LCP2: variants seen among roughly 807,000 people sequenced by gnomAD.
LCP2 encodes 76 kDa tyrosine phosphoprotein.
LCP2 carries 29 observed loss-of-function variants against 74.5 expected under a neutral mutation model. The ratio of observed to expected loss-of-function variants is 0.39; its 90% CI spans 0.29 to 0.53. LCP2 has a LOEUF of 0.53. Ranked by LOEUF, LCP2 falls within the 20% of genes least tolerant of loss-of-function variation. The pLI is 0.72. For synonymous variants in LCP2, 228 were observed against 229.5 expected (o/e 0.99, Z 0.06); for missense variants, 604 against 634.6 (o/e 0.95, Z 0.52).
At chr5:170,284,189 C>T (rs967524247) in intron 3 of LCP2, among the ~76,000 whole-genome samples, 1 of 152,228 alleles carries the variant, frequency 6.6e-6, no homozygotes, top group Non-Finnish European at 1.5e-5. Context: ...TCAAGGGCCA[C>T]GTACATACAC....
At chr5:170,283,933 A>T (rs1246092869) in intron 3 of LCP2, among the ~76,000 whole-genome samples, 1 of 152,094 alleles carries the variant, frequency 6.6e-6, no homozygotes, top group Non-Finnish European at 1.5e-5. Flanking sequence ...GAGCGCTTGA[A>T]CTTGTGCATG....
At chr5:170,285,802 C>A (rs1011451898) in intron 3 of LCP2, among the ~76,000 whole-genome samples, 1 of 152,112 alleles carries the variant, frequency 6.6e-6, no homozygotes. Context: ...TAAAGAGGGG[C>A]CCCTCTGAAG....
intron 6 of LCP2, among the ~76,000 whole-genome samples, chr5:170,271,726 C>T (rs993110147): frequency 7.9e-5 from 12 of 152,026 alleles, no homozygotes; most frequent in Non-Finnish European, 1.3e-4. Flanking sequence ...CAGTGATGAG[C>T]GCTCATCATG....
chr5:170,283,009 T>A (rs1762129649), intron 3 of LCP2, among the ~76,000 whole-genome samples: 1 of 152,204 alleles, frequency 6.6e-6, no homozygotes, highest in African/African-American at 2.4e-5. Context: ...CACAACTCAT[T>A]GGAAGTAGAG....
intron 6 of LCP2, chr5:170,274,064 T>C (rs370546026): frequency 3.6e-6 from 2 of 559,834 alleles, no homozygotes; most frequent in East Asian, 6.0e-5. Flanking sequence ...GCTCATTGTC[T>C]GTGGCTGCTT....
intron 1 of LCP2, among the ~76,000 whole-genome samples, chr5:170,295,434 T>C (rs974822978): frequency 1.3e-5 from 2 of 152,130 alleles, no homozygotes; most frequent in Non-Finnish European, 2.9e-5. Context: ...ACCAACCCAT[T>C]GGGTTAGTTA....
At chr5:170,270,023 A>G (rs1761867601) in intron 7 of LCP2, among the ~76,000 whole-genome samples, 1 of 152,244 alleles carries the variant, frequency 6.6e-6, no homozygotes, top group Non-Finnish European at 1.5e-5. Context: ...TTCAATTTTC[A>G]GCGTACTCTC....
chr5:170,257,652 AG>A (rs769059750), intron 16 of LCP2, among the ~76,000 whole-genome samples: 4 of 152,164 alleles, frequency 2.6e-5, no homozygotes, highest in Non-Finnish European at 4.4e-5. Flanking sequence ...GCCAAGCACG[AG>A]GCGCATTTTC....
At chr5:170,278,549 A>G (rs1191043355) in intron 3 of LCP2, among the ~76,000 whole-genome samples, 1 of 149,958 alleles carries the variant, frequency 6.7e-6, no homozygotes, top group East Asian at 2.0e-4. Context: ...TGCGGTTGCC[A>G]TTTAAAATGA....
At chr5:170,271,014 A>G in intron 6 of LCP2, 97 bp from the exon 7 acceptor site, 1 of 1,103,770 alleles carries the variant, frequency 9.1e-7, no homozygotes, top group South Asian at 1.7e-5. Flanking sequence ...TCACAACAGT[A>G]TAACCCGGGA....
intron 7 of LCP2, chr5:170,270,480 T>C (rs908872546): frequency 2.2e-6 from 1 of 464,580 alleles, no homozygotes; most frequent in Non-Finnish European, 3.7e-6. Context: ...GTCTTAGTAG[T>C]CCTCACAGGA....
At chr5:170,263,498 A>G (rs182827766) in intron 10 of LCP2, among the ~76,000 whole-genome samples, 10 of 152,292 alleles carry the variant, frequency 6.6e-5, no homozygotes, top group Admixed American at 6.5e-4. Flanking sequence ...ACTTGGGGAG[A>G]GCATTTCAGG....
chr5:170,280,178 C>A (rs1004781386), intron 3 of LCP2, among the ~76,000 whole-genome samples: 4 of 151,970 alleles, frequency 2.6e-5, no homozygotes, highest in Admixed American at 1.3e-4. Context: ...CTGACCAAAG[C>A]CCTCCCACAG....
chr5:170,271,414 CT>C (rs775843319), intron 6 of LCP2, among the ~76,000 whole-genome samples: 29 of 152,212 alleles, frequency 1.9e-4, no homozygotes, highest in Admixed American at 4.6e-4. Context: ...TAAACAAAGC[CT>C]GTTAAGTGGA....
chr5:170,251,227 T>C (rs368725909), intron 19 of LCP2: 25 of 221,696 alleles, frequency 1.1e-4, no homozygotes, highest in African/African-American at 5.1e-4. Context: ...TAAAATACTT[T>C]ATTGGTTAAC....
chr5:170,265,018 C>T (rs369144745), intron 10 of LCP2, among the ~76,000 whole-genome samples: 2 of 132,500 alleles, frequency 1.5e-5, no homozygotes, highest in African/African-American at 6.1e-5. Context: ...GACAGAGTCT[C>T]GCTCTGTCGC....
At chr5:170,281,358 C>A (rs1762097400) in intron 3 of LCP2, among the ~76,000 whole-genome samples, 1 of 152,078 alleles carries the variant, frequency 6.6e-6, no homozygotes, top group South Asian at 2.1e-4. Context: ...TGGCTCACTG[C>A]AAGTTCTGCC....
intron 3 of LCP2, among the ~76,000 whole-genome samples, chr5:170,283,309 A>G (rs776103403): frequency 4.6e-5 from 7 of 152,218 alleles, no homozygotes; most frequent in Non-Finnish European, 8.8e-5. Flanking sequence ...CACACTAACC[A>G]GAAACCATTT....
At position 170,277,278 on chromosome 5, in the gene LCP2, G is replaced by GGCCT. The variant is rs541820101; in HGVS notation, c.189-1422_189-1419dup. Among the ~76,000 whole-genome samples the GGCCT allele has an allele frequency of 3.5e-3, 538 of 152,114 alleles. 3 individuals are homozygous for GGCCT. In the Middle Eastern group the frequency reaches 0.041, roughly 12 times the overall value. ...TGGAGGCAGATACTGTTGAGTCCCT[G>GGCCT]GCCTGCCTATGAGAACGGCTCATGA... On this transcript the variant is annotated intron_variant, in intron 3 of 20. Coordinates refer to ENST00000046794, the MANE Select transcript of LCP2 (RefSeq NM_005565.5).
Sources: gnomAD v4.1 joint callset for allele counts (sites outside exome capture counted in the v4.1 genomes callset) on GRCh38, gnomAD v4.1.1 for gene constraint, MANE v1.5 for transcripts, NCBI Gene and HGNC (gene_info 2026-07-23, HGNC 2026-07-21) for gene names.